Variants in MYH1 observed in about 807,000 individuals in gnomAD.
MYH1 encodes the protein myosin-1.
In MYH1, 214 loss-of-function variants were observed where a neutral mutation model predicts 225.6. The ratio of observed to expected loss-of-function variants is 0.95; its 90% CI spans 0.85 to 1.06. The LOEUF is 1.06. Ranked by LOEUF, MYH1 falls within the 50% of genes least tolerant of loss-of-function variation. The pLI is 0.00. For synonymous variants in MYH1, 774 were observed against 842.3 expected (o/e 0.92, Z 1.40); for missense variants, 2,098 against 2,344.2 (o/e 0.89, Z 2.17).
chr17:10,510,039 T>C (rs1364942987), intron 14 of MYH1, among the ~76,000 whole-genome samples: 1 of 150,532 alleles, frequency 6.6e-6, no homozygotes, highest in Middle Eastern at 3.2e-3. Flanking sequence ...GGGTGGAGAG[T>C]GGGAGGAGGG....
chr17:10,495,307 A>C lies in MYH1; in HGVS notation c.5180T>G (p.Leu1727Arg). The stretch of plus-strand genomic sequence containing the variant: ...CTCCAGCTTCTTCTTGGTGTTGATC[A>C]GGCTGGTGTTCTGTTTAAAATGTGA... ...VQLLHTQNTS[L>R]INTKKKLETD... The change falls in exon 36 of 40, where the codon CTG becomes CGG. Residue 1727 changes from leucine to arginine, a missense_variant. Transcript: ENST00000226207. 6.2e-7 allele frequency: 1 copy of C among 1,614,090 alleles called. No homozygotes were observed. Among genetic ancestry groups the C allele is most frequent in the Admixed American group, 1.7e-5 (1 of 60,016 alleles).
chr17:10,514,238 G>A lies in MYH1; in HGVS notation c.534-114C>T, dbSNP rs1173572143. 4 of 1,224,454 alleles carry A rather than the reference G, an allele frequency of 3.3e-6. No homozygotes were observed. The African/African-American group carries it at 6.1e-5, about 19-fold the overall frequency. 75.8% of individuals were successfully genotyped at this position (1,224,454 alleles called of 1,614,324 possible). A position where few individuals can be genotyped will look rare whatever the true frequency, so the allele number is the denominator to read the frequency against. On this transcript the variant is annotated intron_variant, in intron 6 of 39. Coordinates refer to ENST00000226207, the MANE Select transcript of MYH1 (RefSeq NM_005963.4). The stretch of plus-strand genomic sequence containing the variant: ...AGAGCCTTTTACATCTTTCTTTTCA[G>A]CCTACATATAGCTCGTATTATTTCT...
Position 10,497,779 on chromosome 17 carries a change from A to T in MYH1, c.4320T>A (p.Asn1440Lys), listed in dbSNP as rs376800819. The stretch of plus-strand genomic sequence containing the variant: ...TTTTGTCCAGGGCGGCACAGGCAGC[A>T]TTTGTCCTCTCAACATCAATCATGA... ...EDLMIDVERTNAACAALDKKQ... is the reference protein window; with the variant it reads ...EDLMIDVERTKAACAALDKKQ... Residue 1440 changes from asparagine to lysine, a missense_variant, in exon 31 of 40, where the codon AAT becomes AAA. Transcript: ENST00000226207. 2 of 1,614,024 alleles carry T rather than the reference A, an allele frequency of 1.2e-6. No homozygotes were observed. The highest frequency in any genetic ancestry group is 1.3e-5 in the African/African-American group (1 of 74,922).
At position 10,505,903 on chromosome 17, in the gene MYH1, G is replaced by T; in HGVS notation, c.2083C>A (p.His695Asn). 1.2e-6 allele frequency: 2 copies of T among 1,614,196 alleles called. No homozygotes were observed. The highest frequency in any genetic ancestry group is 1.7e-6 in the Non-Finnish European group (2 of 1,180,018). Reference sequence around the variant, plus strand: ...AGCACACCGTTACACCTCAGCTGATGCAGGACAAGCTCATGCTCCATGGCA... The same window carrying T: ...AGCACACCGTTACACCTCAGCTGATTCAGGACAAGCTCATGCTCCATGGCA... ...PGAMEHELVL[H>N]QLRCNGVLEG... Residue 695 changes from histidine (H) to asparagine (N), a missense_variant, in exon 19 of 40, where the codon CAT becomes AAT. Coordinates refer to ENST00000226207, the MANE Select transcript of MYH1 (RefSeq NM_005963.4).
rs1488369580 is a variant in MYH1 at position 10,496,388 on chromosome 17, A to T, written c.4818T>A (p.Asp1606Glu). 12 of 1,613,870 alleles carry T rather than the reference A, an allele frequency of 7.4e-6. No individual in the cohort carries two copies. The South Asian group carries it at 1.3e-4, about 18-fold the overall frequency. Reference sequence around the variant, plus strand: ...CATCATTCCTGCTCCTGATCTCAGCATCCAGTGTGCTCTGCATGGACTCCA... The same window carrying T: ...CATCATTCCTGCTCCTGATCTCAGCTTCCAGTGTGCTCTGCATGGACTCCA... Reference protein sequence around the residue: ...RIVESMQSTLDAEIRSRNDAI... With the variant: ...RIVESMQSTLEAEIRSRNDAI... The change falls in exon 34 of 40, where the codon GAT becomes GAA. Residue 1606 changes from aspartate to glutamate, a missense_variant. Transcript: ENST00000226207.
chr17:10,506,120 A>G, intron 17 of MYH1, 21 bp from the exon 18 acceptor site: 1 of 1,613,732 alleles, frequency 6.2e-7, no homozygotes, highest in South Asian at 1.1e-5. Context: ...ATGCGAGTTT[A>G]TACTTTAAAA....
rs762372695 is a variant in MYH1, at chr17:10,514,898, A to G, written c.506-3T>C. 5 of 1,612,602 alleles carry G rather than the reference A, an allele frequency of 3.1e-6. No homozygotes were observed. Among genetic ancestry groups the G allele is most frequent in the Middle Eastern group, 3.3e-4 (2 of 6,056 alleles). ...CAAGATAGACTGATTCTCCCGATCT[A>G]GAAGAAAAACAGTGGAAAATCAGCA... On this transcript the variant is annotated splice_polypyrimidine_tract_variant and splice_region_variant and intron_variant, in intron 5 of 39. Transcript: ENST00000226207.
chr17:10,509,778 C>G (rs917641663), intron 14 of MYH1, 123 bp from the exon 15 acceptor site: 44 of 1,530,616 alleles, frequency 2.9e-5, no homozygotes, highest in Non-Finnish European at 3.5e-5. Context: ...CTACCTATAC[C>G]TACACAATGA....
At chr17:10,499,183 GAAACTTGATGGAGGGCATGGGTGACAAC>G in intron 28 of MYH1, 91 bp from the exon 29 acceptor site, 1 of 1,056,982 alleles carries the variant, frequency 9.5e-7, no homozygotes, top group Non-Finnish European at 1.5e-6. Flanking sequence ...AGCCAAGTTT[GAAACTTGATGGAGGGCATGGGTGACAAC>G]AAACCACCAA....
At chr17:10,517,873 G>A (rs1447790724) in intron 2 of MYH1, among the ~76,000 whole-genome samples, 2 of 152,272 alleles carry the variant, frequency 1.3e-5, no homozygotes, top group African/African-American at 2.4e-5. Flanking sequence ...CTGAGGAAAA[G>A]CCATGGTATA....
In MYH1 at chr17:10,505,041, G is replaced by C; in HGVS notation, c.2460C>G (p.Tyr820Ter). ...ERRESIFCIQYNVRAFMNVKH... is the reference protein window; with the variant it reads ...ERRESIFCIQ ...TCACATTCATGAAGGCACGGACATT[G>C]TACTGGATGCAGAAGATGGACTCTC... The change falls in exon 22 of 40, where the codon TAC becomes TAG. Residue 820 changes from tyrosine to a stop codon, truncating the protein, a stop_gained. Transcript: ENST00000226207. LOFTEE classifies it high-confidence loss of function. 1 of 1,614,158 alleles carries C rather than the reference G, an allele frequency of 6.2e-7. No homozygotes were observed. Among genetic ancestry groups the C allele is most frequent in the African/African-American group, 1.3e-5 (1 of 75,046 alleles).
intron 33 of MYH1, 136 bp from the exon 34 acceptor site, chr17:10,496,685 C>T: frequency 7.3e-7 from 1 of 1,361,740 alleles, no homozygotes; most frequent in Non-Finnish European, 1.0e-6. Context: ...ACAAGAGTGT[C>T]ATTTTCATGC....
rs1339318881 is a variant in MYH1, at chr17:10,505,163, C to A, written c.2435G>T (p.Arg812Ile). Residue 812 changes from arginine (R) to isoleucine (I), a missense_variant and splice_region_variant, in exon 21 of 40, where the codon AGA (arginine) becomes ATA (isoleucine). Arg to Ile is a moderately conservative substitution (Grantham distance 97). Transcript: ENST00000226207. ...RVEYQKMVER[R>I]ESIFCIQYNV... ...TTAAGTAAAGAATTCTTATTAATACCTTCTTTCCACCATTTTCTGGTACTC... is the reference window on the plus strand; with the variant it reads ...TTAAGTAAAGAATTCTTATTAATACATTCTTTCCACCATTTTCTGGTACTC... 6.2e-7 allele frequency: 1 copy of A among 1,613,928 alleles called. No homozygotes were observed. The highest frequency in any genetic ancestry group is 2.2e-5 in the East Asian group (1 of 44,894).
Position 10,495,065 on chromosome 17 carries a change from C to A in MYH1, c.5332G>T (p.Asp1778Tyr), listed in dbSNP as rs369514452. 8 of 1,614,216 alleles carry A rather than the reference C, an allele frequency of 5.0e-6. No individual in the cohort carries two copies. The Admixed American group carries it at 1.0e-4, about 20-fold the overall frequency. Residue 1778 changes from aspartate to tyrosine, a missense_variant, in exon 37 of 40, where the codon GAC becomes TAC. Transcript: ENST00000226207. ...ATCCGCTCCAGATGGGCGCTGGTGT[C>A]CTGTTCCTTCTTCAGCTCCTCAGCC... is the stretch of plus-strand genomic sequence containing the variant. ...MMAEELKKEQ[D>Y]TSAHLERMKK...
Position 10,492,510 on chromosome 17 carries a change from T to C in MYH1, c.5726A>G (p.Glu1909Gly), listed in dbSNP as rs778789491. 5 of 1,614,182 alleles carry C rather than the reference T, an allele frequency of 3.1e-6. No individual in the cohort carries two copies. Among genetic ancestry groups the C allele is most frequent in the Non-Finnish European group, 4.2e-6 (5 of 1,180,012 alleles). ...AGCAATGTCAGCCCGTTCCTCGGCC[T>C]CCTCCAGCTCGTGCTGGATCCTGCG... ...KFRRIQHELE[E>G]AEERADIAES... Residue 1909 changes from glutamate to glycine, a missense_variant, in exon 40 of 40, where the codon GAG (glutamate) becomes GGG (glycine). Glu to Gly is a moderately conservative substitution (Grantham distance 98, BLOSUM62 -2). Transcript: ENST00000226207.
At position 10,518,517 on chromosome 17, in the gene MYH1, T is replaced by A. The variant is rs2073252136; in HGVS notation, c.-72+3A>T. 6.6e-6 allele frequency: 1 copy of A among 152,162 alleles called. No individual in the cohort carries two copies. The highest frequency in any genetic ancestry group is 2.4e-5 in the African/African-American group (1 of 41,432). 9.4% of individuals were successfully genotyped at this position (152,162 alleles called of 1,614,324 possible). On this transcript the variant is annotated splice_donor_region_variant and intron_variant, in intron 1 of 39. Transcript: ENST00000226207. ...ACAGAGCCCTGTCCTCACACACACTTACCTTGAAGCTTTATGAGGAGAGAC... is the reference window on the plus strand; with the variant it reads ...ACAGAGCCCTGTCCTCACACACACTAACCTTGAAGCTTTATGAGGAGAGAC...
In MYH1 at chr17:10,492,489, A is replaced by T. The variant is rs775067867; in HGVS notation, c.5747T>A (p.Ile1916Asn). ...ELEEAEERADIAESQVNKLRV... is the reference protein window; with the variant it reads ...ELEEAEERADNAESQVNKLRV... ...CAGCTTGTTGACCTGGGACTCAGCA[A>T]TGTCAGCCCGTTCCTCGGCCTCCTC... Residue 1916 changes from isoleucine to asparagine, a missense_variant, in exon 40 of 40, where the codon ATT becomes AAT. By Grantham distance (149) the Ile-to-Asn change is moderately radical (BLOSUM62 -3). Transcript: ENST00000226207. The T allele has an allele frequency of 5.6e-6, 9 of 1,614,182 alleles. No homozygotes were observed. The South Asian group carries it at 8.8e-5, about 16-fold the overall frequency.
chr17:10,513,754 A>G, intron 8 of MYH1, 65 bp from the exon 9 acceptor site: 1 of 1,613,140 alleles, frequency 6.2e-7, no homozygotes, highest in South Asian at 1.1e-5. Context: ...TGCCACTGAA[A>G]TAATTCAGAC....
At chr17:10,507,243 G>A (rs1192490549) in intron 17 of MYH1, among the ~76,000 whole-genome samples, 1 of 151,792 alleles carries the variant, frequency 6.6e-6, no homozygotes, top group Non-Finnish European at 1.5e-5. Context: ...TTATATTTTT[G>A]GTAGAGATGG....
Sources: gnomAD v4.1 joint callset for allele counts (sites outside exome capture counted in the v4.1 genomes callset) on GRCh38, gnomAD v4.1.1 for gene constraint, MANE v1.5 for transcripts, NCBI Gene and HGNC (gene_info 2026-07-23, HGNC 2026-07-21) for gene names.